KLK1: variants seen among roughly 807,000 people sequenced by gnomAD.
KLK1 encodes kallikrein 1.
Under a neutral mutation model 23.3 loss-of-function variants are expected in KLK1, and 22 were observed. The ratio of observed to expected loss-of-function variants is 0.95; its 90% CI spans 0.68 to 1.35. The LOEUF (loss-of-function observed/expected upper bound fraction) is 1.35. Ranked by LOEUF, KLK1 falls within the 40% of genes most tolerant of loss-of-function variation. The pLI, the probability that KLK1 is intolerant of heterozygous loss-of-function variation, is 0.00. For synonymous variants in KLK1, 140 were observed against 135.8 expected, an observed-to-expected ratio of 1.03 and a Z score of -0.21; for missense variants, 301 against 338.9, an observed-to-expected ratio of 0.89 and a Z score of 0.88.
intron 1 of KLK1, chr19:50,822,946 A>G (rs1048708519): frequency 1.0e-6 from 1 of 984,374 alleles, no homozygotes; most frequent in Non-Finnish European, 1.2e-6. Context: ...GTTCCAGAAA[A>G]CCAGAGCTGT....
At position 50,821,666 on chromosome 19, in the gene KLK1, G is replaced by A. The variant is rs770488383; in HGVS notation, c.206+46C>T. On this transcript the variant is annotated intron_variant, in intron 2 of 4. Transcript: ENST00000301420. This position sits in a 1 kb window ranked among gnomAD's most constrained non-coding sequence, Gnocchi z 5.6. The stretch of plus-strand genomic sequence containing the variant: ...GGAATGCCACTGGCCTGTCAATCCT[G>A]TGGCAGCATAGATGCCCTCCTCCCA... 6 of 1,528,758 alleles carry A rather than the reference G, an allele frequency of 3.9e-6. No individual in the cohort carries two copies. The highest frequency in any genetic ancestry group is 5.3e-6 in the Non-Finnish European group (6 of 1,134,806). The allele number at this position is 1,528,758 out of a possible 1,614,324, so 94.7% of individuals were successfully genotyped here.
At chr19:50,820,636 C>A in intron 2 of KLK1, 193 bp from the exon 3 acceptor site, 1 of 516,040 alleles carries the variant, frequency 1.9e-6, no homozygotes, top group Non-Finnish European at 3.4e-6. Context: ...TTTGAGAGTG[C>A]AAAAGGCAAA....
chr19:50,822,480 A>G (rs1191477901), intron 1 of KLK1: 2 of 985,524 alleles, frequency 2.0e-6, no homozygotes, highest in African/African-American at 3.5e-5. Flanking sequence ...TGGCTGGGAC[A>G]GTTAGATTTC....
chr19:50,820,509 C>T, intron 2 of KLK1, 66 bp from the exon 3 acceptor site: 5 of 190,496 alleles, frequency 2.6e-5, no homozygotes, highest in Admixed American at 6.6e-5. Context: ...GGCAGGGGAG[C>T]ATGGGGGAGG....
rs891961651 is a variant in KLK1, at chr19:50,820,413, G to A, written c.237C>T (p.Asn79=). 2 of 1,598,932 alleles carry A rather than the reference G, an allele frequency of 1.3e-6. No individual in the cohort carries two copies. The highest frequency in any genetic ancestry group is 1.7e-6 in the Non-Finnish European group (2 of 1,171,174). Residue 79 remains asparagine (N), a synonymous_variant, in exon 3 of 5, where the codon AAC becomes AAT. Transcript: ENST00000301420. ...GGGCTGTGTTTTCGTCGTCAAACAA[G>A]TTGTGGCGACCCAGCCAGAGCTGGT... The part of the protein sequence containing the change: ...DNYQLWLGRH[N]LFDDENTAQF...
chr19:50,820,651 GAGAC>G (rs2089821951), intron 2 of KLK1: 1 of 496,030 alleles, frequency 2.0e-6, no homozygotes, highest in Non-Finnish European at 3.6e-6. Flanking sequence ...GGCAAATGAA[GAGAC>G]AGAGCAAAAA....
At chr19:50,820,508 G>GGGGA in intron 2 of KLK1, 65 bp from the exon 3 acceptor site, 1 of 595,458 alleles carries the variant, frequency 1.7e-6, no homozygotes, top group Non-Finnish European at 2.8e-6. Context: ...GGGCAGGGGA[G>GGGGA]CATGGGGGAG....
At position 50,820,356 on chromosome 19, in the gene KLK1, G is replaced by A. The variant is rs762402265; in HGVS notation, c.294C>T (p.His98=). ...CCAGGAGGCTCATGTTGAAGCCAGGGTGTGGGAAGCTCTCACTGACATGAA... is the reference window on the plus strand; with the variant it reads ...CCAGGAGGCTCATGTTGAAGCCAGGATGTGGGAAGCTCTCACTGACATGAA... ...QFVHVSESFP[H]PGFNMSLLEN... Residue 98 remains histidine, a synonymous_variant, in exon 3 of 5, where the codon CAC becomes CAT. Coordinates refer to ENST00000301420, the MANE Select transcript of KLK1 (RefSeq NM_002257.4). 38 of 1,613,934 alleles carry A rather than the reference G, an allele frequency of 2.4e-5. No individual in the cohort carries two copies. Among genetic ancestry groups the A allele is most frequent in the African/African-American group, 1.3e-5 (1 of 74,888 alleles).
In KLK1 at chr19:50,821,616, C is replaced by A. The variant is rs964413516; in HGVS notation, c.206+96G>T. 5 of 1,424,494 alleles carry A rather than the reference C, an allele frequency of 3.5e-6. No individual in the cohort carries two copies. Among genetic ancestry groups the A allele is most frequent in the South Asian group, 1.5e-5 (1 of 66,510 alleles). The allele number at this position is 1,424,494 out of a possible 1,614,324, so 88.2% of individuals were successfully genotyped here. On this transcript the variant is annotated intron_variant, in intron 2 of 4. Coordinates refer to ENST00000301420, the MANE Select transcript of KLK1 (RefSeq NM_002257.4). This position sits in a 1 kb window ranked among gnomAD's most constrained non-coding sequence, Gnocchi z 5.6. ...AGCCTTCCTCTCTGCCTCAGCCCCCCAGTCTTGCCTGAGGTTATCCAAGGG... is the reference window on the plus strand; with the variant it reads ...AGCCTTCCTCTCTGCCTCAGCCCCCAAGTCTTGCCTGAGGTTATCCAAGGG...
Position 50,821,881 on chromosome 19 carries a change from C to T in KLK1, c.47-10G>A, listed in dbSNP as rs760620603. The T allele has an allele frequency of 4.4e-6, 7 of 1,600,098 alleles. No homozygotes were observed. The highest frequency in any genetic ancestry group is 4.5e-5 in the East Asian group (2 of 44,660). ...ATCGGGGGCGCAGCACCTGCAGAGG[C>T]GGTGCTGGGTCAGGAAGGGCAGGGT... On this transcript the variant is annotated splice_polypyrimidine_tract_variant and intron_variant, in intron 1 of 4. Transcript: ENST00000301420. This position sits in a 1 kb window ranked among gnomAD's most constrained non-coding sequence, Gnocchi z 5.6.
chr19:50,823,729 C>T lies in KLK1; in HGVS notation c.20G>A (p.Cys7Tyr), dbSNP rs1568481214. MWFLVL[C>Y]LALSLGGTGA... ...AGTCCCCCCCAGGGACAGGGCGAGG[C>T]ACAGAACCAGGAACCACATGGTGAC... The change falls in exon 1 of 5, where the codon TGC becomes TAC. Residue 7 changes from cysteine to tyrosine, a missense_variant. Cys to Tyr is a radical substitution (Grantham distance 194). Coordinates refer to ENST00000301420, the MANE Select transcript of KLK1 (RefSeq NM_002257.4). 1.9e-6 allele frequency: 3 copies of T among 1,611,102 alleles called. No individual in the cohort carries two copies. The highest frequency in any genetic ancestry group is 3.3e-4 in the Middle Eastern group (2 of 6,054).
chr19:50,822,207 T>G (rs1599944975), intron 1 of KLK1: 6 of 1,025,736 alleles, frequency 5.8e-6, no homozygotes, highest in African/African-American at 3.6e-5. Flanking sequence ...GGATGGGAGG[T>G]GGTGGGTTAG....
In KLK1 at chr19:50,820,204, A is replaced by G. The variant is rs1443087958; in HGVS notation, c.446T>C (p.Val149Ala). 1.2e-6 allele frequency: 2 copies of G among 1,610,752 alleles called. No homozygotes were observed. The highest frequency in any genetic ancestry group is 1.7e-6 in the Non-Finnish European group (2 of 1,177,710). ...VVELPTEEPE[V>A]GSTCLASGWG... ...GCCGGAAGCCAAACAGGTGCTCCCC[A>G]CTTCGGGTTCCTCGGTGGGCAACTC... The change falls in exon 3 of 5, where the codon GTG becomes GCG. Residue 149 changes from valine to alanine, a missense_variant. By Grantham distance (64) the Val-to-Ala change is moderately conservative (BLOSUM62 0). Transcript: ENST00000301420.
intron 4 of KLK1, 98 bp from the exon 5 acceptor site, chr19:50,819,447 C>T: frequency 8.1e-7 from 1 of 1,231,794 alleles, no homozygotes; most frequent in Non-Finnish European, 1.1e-6. Context: ...CCAGTGCCCA[C>T]TCCCAGAGGA....
In KLK1 at chr19:50,820,139, T is replaced by C; in HGVS notation, c.496+15A>G. The C allele has an allele frequency of 6.3e-7, 1 of 1,599,910 alleles. No homozygotes were observed. The highest frequency in any genetic ancestry group is 8.5e-7 in the Non-Finnish European group (1 of 1,171,216). On this transcript the variant is annotated intron_variant, in intron 3 of 4. Coordinates refer to ENST00000301420, the MANE Select transcript of KLK1 (RefSeq NM_002257.4). ...CCCATCCCCGCCTTGGGCTACACAG[T>C]CTGCCCCCACATACAATTCTCTGGT...
Position 50,823,705 on chromosome 19 carries a change from G to T in KLK1, c.44C>A (p.Thr15Asn). The change falls in exon 1 of 5, where the codon ACT (threonine) becomes AAT (asparagine). Residue 15 changes from threonine to asparagine, a missense_variant and splice_region_variant. Transcript: ENST00000301420. Reference protein sequence around the residue: ...VLCLALSLGGTGAAPPIQSRI... With the variant: ...VLCLALSLGGNGAAPPIQSRI... ...CCCACATCCCCCCACTGTCTCACCA[G>T]TCCCCCCCAGGGACAGGGCGAGGCA... 1.2e-6 allele frequency: 2 copies of T among 1,602,186 alleles called. No individual in the cohort carries two copies. Among genetic ancestry groups the T allele is most frequent in the Non-Finnish European group, 1.7e-6 (2 of 1,170,582 alleles).
rs2089831325 is a variant in KLK1 at position 50,821,973 on chromosome 19, G to C, written c.47-102C>G. On this transcript the variant is annotated intron_variant, in intron 1 of 4. Coordinates refer to ENST00000301420, the MANE Select transcript of KLK1 (RefSeq NM_002257.4). This position sits in a 1 kb window ranked among gnomAD's most constrained non-coding sequence, Gnocchi z 5.6. Reference sequence around the variant, plus strand: ...GCTGTGGGTCTGAAGGGACATTGCGGGTAGAGGACCAGGGCTGGAGGTTGG... The same window carrying C: ...GCTGTGGGTCTGAAGGGACATTGCGCGTAGAGGACCAGGGCTGGAGGTTGG... 6.7e-7 allele frequency: 1 copy of C among 1,481,514 alleles called. No individual in the cohort carries two copies. The highest frequency in any genetic ancestry group is 1.4e-5 in the African/African-American group (1 of 71,224). The allele number at this position is 1,481,514 out of a possible 1,614,324, so 91.8% of individuals were successfully genotyped here. A position where few individuals can be genotyped will look rare whatever the true frequency, so the allele number is the denominator to read the frequency against.
intron 1 of KLK1, among the ~76,000 whole-genome samples, chr19:50,823,301 T>C (rs2089839162): frequency 6.6e-6 from 1 of 150,948 alleles, no homozygotes; most frequent in Non-Finnish European, 1.5e-5. Context: ...CGCAGGGAAC[T>C]AGGGGGCAGG....
In KLK1 at chr19:50,819,362, G is replaced by A. The variant is rs761228719; in HGVS notation, c.634-13C>T. The A allele has an allele frequency of 6.3e-7, 1 of 1,598,034 alleles. No homozygotes were observed. Among genetic ancestry groups the A allele is most frequent in the Non-Finnish European group, 8.6e-7 (1 of 1,168,652 alleles). On this transcript the variant is annotated splice_polypyrimidine_tract_variant and intron_variant, in intron 4 of 4. Coordinates refer to ENST00000301420, the MANE Select transcript of KLK1 (RefSeq NM_002257.4). ...CCCCTGAATCACCCTGGGAGCACAA[G>A]GTGGGAGGGGAGAGTGAGAAAGGTC...
Sources: gnomAD v4.1 joint callset for allele counts (sites outside exome capture counted in the v4.1 genomes callset) on GRCh38, gnomAD v4.1.1 for gene constraint, Gnocchi (gnomAD v3.1) non-coding constraint, MANE v1.5 for transcripts, NCBI Gene and HGNC (gene_info 2026-07-23, HGNC 2026-07-21) for gene names.